The following OSBPL10 variants were observed in gnomAD, a reference collection of about 807,000 sequenced individuals.
OSBPL10 encodes oxysterol binding protein like 10, also known as oxysterol-binding protein-related protein 10.
OSBPL10 carries 49 observed loss-of-function variants against 81.7 expected under a neutral mutation model. The ratio of observed to expected loss-of-function variants is 0.60; its 90% CI spans 0.48 to 0.76. The LOEUF (loss-of-function observed/expected upper bound fraction) is 0.76, where lower values mean the gene tolerates loss of function less well. Among genes scored for constraint, OSBPL10 ranks in the 30% least tolerant of loss-of-function variants. The pLI is 0.00. For missense variants in OSBPL10, 923 were observed against 987.8 expected (o/e 0.93, Z 0.88); for synonymous variants, 419 against 383.6 (o/e 1.09, Z -1.08).
chr3:31,999,581 G>A (rs1699125452), intron 2 of OSBPL10, among the ~76,000 whole-genome samples: 1 of 151,848 alleles, frequency 6.6e-6, no homozygotes, highest in South Asian at 2.1e-4. Flanking sequence ...GGCTGGTCTC[G>A]AACTTCCTAC....
At chr3:31,855,757 C>G (rs183210643) in intron 3 of OSBPL10, among the ~76,000 whole-genome samples, 3 of 152,224 alleles carry the variant, frequency 2.0e-5, no homozygotes, top group Admixed American at 2.0e-4. Flanking sequence ...CAGACACCCC[C>G]ACTCTGAACA....
intron 6 of OSBPL10, chr3:31,732,870 G>C (rs560348831): frequency 7.8e-6 from 2 of 257,636 alleles, no homozygotes; most frequent in East Asian, 3.1e-4. Flanking sequence ...TGAGGCAAGA[G>C]CTTGTATCAG....
intron 4 of OSBPL10, among the ~76,000 whole-genome samples, chr3:31,762,859 G>C (rs1381081186): frequency 1.3e-5 from 2 of 151,940 alleles, no homozygotes; most frequent in Non-Finnish European, 2.9e-5. Flanking sequence ...CGAGGTGTCA[G>C]GACTGAAGGA....
chr3:31,830,719 T>C (rs914953585), intron 3 of OSBPL10, among the ~76,000 whole-genome samples: 6 of 152,224 alleles, frequency 3.9e-5, no homozygotes, highest in African/African-American at 1.4e-4. Flanking sequence ...ATCCAGTTAC[T>C]TTCTTAAGAG....
rs62244428 is a variant in OSBPL10 at position 32,048,629 on chromosome 3, G to A, written n.186-2026C>T. Among the ~76,000 whole-genome samples, 446 of 152,224 alleles carry A rather than the reference G, an allele frequency of 2.9e-3. 3 individuals are homozygous for A. In the Middle Eastern group the frequency reaches 0.031, roughly 10 times the overall value. On this transcript the variant is annotated intron_variant and non_coding_transcript_variant, in intron 1 of 3. Coordinates refer to the OSBPL10 transcript ENST00000479173. Reference sequence around the variant, plus strand: ...GCCTCTCTTAGACACTATTACTATAGACTAGCTGTTTTTTTTCTCTATACC... The same window carrying A: ...GCCTCTCTTAGACACTATTACTATAAACTAGCTGTTTTTTTTCTCTATACC...
intron 2 of OSBPL10, among the ~76,000 whole-genome samples, chr3:32,014,318 C>T (rs1230920227): frequency 6.6e-6 from 1 of 152,190 alleles, no homozygotes; most frequent in African/African-American, 2.4e-5. Context: ...CGTAATCCAG[C>T]ATATAAACAG....
chr3:31,983,182 T>G (rs1011525842), upstream of OSBPL10, among the ~76,000 whole-genome samples: 10 of 152,230 alleles, frequency 6.6e-5, no homozygotes, highest in East Asian at 1.3e-3. Flanking sequence ...CTAAGCTAAC[T>G]TACTGATCAT....
intron 5 of OSBPL10, among the ~76,000 whole-genome samples, chr3:31,740,332 G>A (rs1347467214): frequency 6.6e-6 from 1 of 152,144 alleles, no homozygotes; most frequent in East Asian, 1.9e-4. Context: ...ATAAGCCACT[G>A]TGCCTGGCCG....
chr3:31,803,767 C>T (rs1699454686), intron 4 of OSBPL10, among the ~76,000 whole-genome samples: 1 of 152,120 alleles, frequency 6.6e-6, no homozygotes, highest in Non-Finnish European at 1.5e-5. Flanking sequence ...AAAGTCCAAG[C>T]CAGTTATTTT....
At chr3:32,052,561 C>T (rs912296243) in intron 1 of OSBPL10, among the ~76,000 whole-genome samples, 6 of 151,140 alleles carry the variant, frequency 4.0e-5, no homozygotes, top group Admixed American at 3.3e-4. Flanking sequence ...ACCCAAATGC[C>T]CATCAAGATA....
intron 5 of OSBPL10, among the ~76,000 whole-genome samples, chr3:31,741,407 G>A (rs1275192074): frequency 6.6e-6 from 1 of 152,214 alleles, no homozygotes; most frequent in African/African-American, 2.4e-5. Context: ...TGGGACTACA[G>A]GCGCATGCCA....
intron 2 of OSBPL10, among the ~76,000 whole-genome samples, chr3:32,018,271 C>A (rs1311085872): frequency 6.6e-6 from 1 of 152,086 alleles, no homozygotes; most frequent in East Asian, 1.9e-4. Flanking sequence ...TGATCCCAAC[C>A]TTTCAGAAAC....
chr3:31,679,965 A>G (rs1700595150), intron 8 of OSBPL10, among the ~76,000 whole-genome samples: 1 of 152,112 alleles, frequency 6.6e-6, no homozygotes, highest in Non-Finnish European at 1.5e-5. Flanking sequence ...GAGTATTCTA[A>G]CCGGAGCTCT....
intron 3 of OSBPL10, among the ~76,000 whole-genome samples, chr3:31,861,852 T>C (rs1348075483): frequency 1.7e-4 from 26 of 152,030 alleles, no homozygotes; most frequent in Admixed American, 1.7e-3. Context: ...TCTGGAGGGG[T>C]CACGAAAGCC....
At chr3:31,674,151 T>C (rs1017523030) in intron 8 of OSBPL10, among the ~76,000 whole-genome samples, 6 of 152,144 alleles carry the variant, frequency 3.9e-5, no homozygotes, top group African/African-American at 1.4e-4. Context: ...TGAGAGGTGT[T>C]TATGTCATGG....
chr3:31,687,875 G>T (rs1405531678), intron 7 of OSBPL10, among the ~76,000 whole-genome samples: 1 of 141,092 alleles, frequency 7.1e-6, no homozygotes, highest in Non-Finnish European at 1.5e-5. Context: ...GGGCAACATA[G>T]TGAGAACCCA....
chr3:32,071,950 C>T (rs1353717703), intron 1 of OSBPL10, among the ~76,000 whole-genome samples: 1 of 152,166 alleles, frequency 6.6e-6, no homozygotes, highest in Non-Finnish European at 1.5e-5. Context: ...GGCAGTTCCA[C>T]CAGGCCTAAT....
chr3:31,767,843 G>T (rs758684298), intron 4 of OSBPL10, among the ~76,000 whole-genome samples: 1 of 152,156 alleles, frequency 6.6e-6, no homozygotes, highest in Non-Finnish European at 1.5e-5. Flanking sequence ...GTCACAAGGC[G>T]AACCTCAAAA....
chr3:31,839,674 G>A (rs561964137), intron 3 of OSBPL10, among the ~76,000 whole-genome samples: 1 of 152,042 alleles, frequency 6.6e-6, no homozygotes, highest in East Asian at 2.0e-4. Context: ...AGAGCACAAA[G>A]GCCCTGGGGT....
Sources: allele counts gnomAD v4.1 joint callset (sites outside exome capture counted in the v4.1 genomes callset), GRCh38; gene constraint gnomAD v4.1.1; transcripts MANE v1.5; gene names NCBI Gene and HGNC (gene_info 2026-07-23, HGNC 2026-07-21).